The following SPECC1 variants were observed in gnomAD, a reference collection of about 807,000 sequenced individuals.
SPECC1 encodes the protein cytospin-B.
A neutral mutation model predicts 104.1 loss-of-function variants in SPECC1; 62 were observed. The ratio of observed to expected loss-of-function variants is 0.60; its 90% CI spans 0.49 to 0.74. The LOEUF (loss-of-function observed/expected upper bound fraction) is 0.74. Among genes scored for constraint, SPECC1 ranks in the 30% least tolerant of loss-of-function variants. The probability of loss-of-function intolerance (pLI) is 0.00; values close to 1 mark genes in which losing one functional copy is unlikely to be tolerated. For synonymous variants in SPECC1, 513 were observed against 501.6 expected (o/e 1.02, Z -0.30); for missense variants, 1,306 against 1,310.5 (o/e 1.00, Z 0.05).
chr17:20,082,977 C>A (rs972853473), intron 1 of SPECC1, among the ~76,000 whole-genome samples: 1 of 150,462 alleles, frequency 6.6e-6, no homozygotes, highest in South Asian at 2.1e-4. Flanking sequence ...TTCGTTCGTT[C>A]GTTCGTTCGT....
intron 3 of SPECC1, among the ~76,000 whole-genome samples, chr17:20,117,875 C>T (rs563052223): frequency 3.2e-4 from 48 of 148,900 alleles, no homozygotes; most frequent in African/African-American, 1.0e-3. Flanking sequence ...GAAGCTGAGG[C>T]GGGCTGATTG....
intron 3 of SPECC1, among the ~76,000 whole-genome samples, chr17:20,203,321 T>A: frequency 6.6e-6 from 1 of 152,022 alleles, no homozygotes; most frequent in African/African-American, 2.4e-5. Flanking sequence ...TTTTACACTG[T>A]AACATCTGAG....
chr17:20,060,482 AC>A (rs1181367625), intron 1 of SPECC1, among the ~76,000 whole-genome samples: 1 of 152,016 alleles, frequency 6.6e-6, no homozygotes, highest in Non-Finnish European at 1.5e-5. Context: ...CTCCGACTCT[AC>A]AAAAAATAAA....
intron 12 of SPECC1, among the ~76,000 whole-genome samples, chr17:20,276,005 G>C (rs1004964783): frequency 6.6e-6 from 1 of 152,102 alleles, no homozygotes; most frequent in African/African-American, 2.4e-5. Flanking sequence ...TTTTGATCTA[G>C]AAGCTTACAT....
chr17:20,090,591 C>CAAAAAA (rs56019742), intron 1 of SPECC1, among the ~76,000 whole-genome samples: 1 of 142,402 alleles, frequency 7.0e-6, no homozygotes, highest in African/African-American at 2.6e-5. Context: ...TACACTATTC[C>CAAAAAA]AAAAAAAAAA....
chr17:20,189,693 C>G (rs1567918691), intron 3 of SPECC1, among the ~76,000 whole-genome samples: 1 of 152,148 alleles, frequency 6.6e-6, no homozygotes, highest in Non-Finnish European at 1.5e-5. Context: ...TATTGTCCCC[C>G]TCTTTCTGGA....
chr17:20,119,744 G>A (rs1363673992), intron 3 of SPECC1, among the ~76,000 whole-genome samples: 1 of 152,200 alleles, frequency 6.6e-6, no homozygotes, highest in African/African-American at 2.4e-5. Context: ...TATTGTTTCG[G>A]TAATCATTTC....
At chr17:20,133,478 T>C (rs1485914014) in intron 3 of SPECC1, among the ~76,000 whole-genome samples, 1 of 152,202 alleles carries the variant, frequency 6.6e-6, no homozygotes, top group Admixed American at 6.5e-5. Flanking sequence ...CTTAGTGTGG[T>C]GTACCTTGCC....
chr17:20,032,225 T>G (rs1213315462), intron 1 of SPECC1, among the ~76,000 whole-genome samples: 1 of 152,178 alleles, frequency 6.6e-6, no homozygotes, highest in Non-Finnish European at 1.5e-5. Flanking sequence ...ACAGCATTTT[T>G]ACCATGGTGT....
chr17:20,121,000 A>G (rs1020919157), intron 3 of SPECC1, among the ~76,000 whole-genome samples: 4 of 152,136 alleles, frequency 2.6e-5, no homozygotes, highest in African/African-American at 9.7e-5. Context: ...TTTCAAGACT[A>G]TTTCCAGTTT....
chr17:20,226,863 T>C (rs2038242580), intron 4 of SPECC1, among the ~76,000 whole-genome samples: 1 of 152,120 alleles, frequency 6.6e-6, no homozygotes, highest in African/African-American at 2.4e-5. Flanking sequence ...AAGTATCTTA[T>C]CTCTAAGGGA....
At chr17:20,079,413 C>T (rs967817210) in intron 1 of SPECC1, among the ~76,000 whole-genome samples, 2 of 152,196 alleles carry the variant, frequency 1.3e-5, no homozygotes, top group African/African-American at 4.8e-5. Flanking sequence ...GATCTTCCCA[C>T]TTCAGCCTCC....
At chr17:20,258,266 C>T (rs1372255186) in intron 11 of SPECC1, among the ~76,000 whole-genome samples, 1 of 152,090 alleles carries the variant, frequency 6.6e-6, no homozygotes, top group African/African-American at 2.4e-5. Context: ...ATTTTGAAAT[C>T]AGTGTTTAAG....
chr17:20,311,819 C>T (rs1157522674), intron 14 of SPECC1, among the ~76,000 whole-genome samples: 4 of 152,090 alleles, frequency 2.6e-5, no homozygotes, highest in African/African-American at 4.8e-5. Flanking sequence ...AAAGAGGTTC[C>T]CTTCTCTTCC....
chr17:20,190,407 T>TGCCCTGCC (rs1285897344), intron 3 of SPECC1, among the ~76,000 whole-genome samples: 2 of 152,144 alleles, frequency 1.3e-5, no homozygotes, highest in Non-Finnish European at 2.9e-5. Context: ...GCTGCCCTGC[T>TGCCCTGCC]GCCCTACCCC....
intron 4 of SPECC1, among the ~76,000 whole-genome samples, chr17:20,210,965 C>T (rs1014826685): frequency 5.3e-5 from 8 of 152,206 alleles, no homozygotes; most frequent in South Asian, 2.1e-4. Context: ...TGAAGCTTTC[C>T]GCCTCAGTTA....
intron 12 of SPECC1, among the ~76,000 whole-genome samples, chr17:20,290,555 C>T (rs562427833): frequency 4.3e-4 from 65 of 152,136 alleles, no homozygotes; most frequent in African/African-American, 1.3e-3. Context: ...CACTCTGTTG[C>T]CCTGGCTGGA....
At chr17:20,098,525 C>T (rs1015072333) in intron 2 of SPECC1, among the ~76,000 whole-genome samples, 1 of 152,196 alleles carries the variant, frequency 6.6e-6, no homozygotes, top group Non-Finnish European at 1.5e-5. Context: ...AAATGGCCAG[C>T]GATGCCCTCA....
At chr17:20,145,877 T>A (rs1331216121) in intron 3 of SPECC1, among the ~76,000 whole-genome samples, 1 of 152,238 alleles carries the variant, frequency 6.6e-6, no homozygotes, top group Admixed American at 6.5e-5. Context: ...TCTAGTTTAT[T>A]ATTTGGATCA....
Sources: allele counts gnomAD v4.1 joint callset (sites outside exome capture counted in the v4.1 genomes callset), GRCh38; gene constraint gnomAD v4.1.1; transcripts MANE v1.5; gene names NCBI Gene and HGNC (gene_info 2026-07-23, HGNC 2026-07-21).